LIPA: variants seen among roughly 807,000 people sequenced by gnomAD.
LIPA encodes lipase A, lysosomal acid type, also known as lysosomal acid lipase/cholesteryl ester hydrolase.
Under a neutral mutation model 40.6 loss-of-function variants are expected in LIPA, and 26 were observed. The ratio of observed to expected loss-of-function variants is 0.64; its 90% confidence interval spans 0.47 to 0.89. LIPA has a LOEUF of 0.89. Among genes scored for constraint, LIPA ranks in the 40% least tolerant of loss-of-function variants. LIPA has a pLI of 0.00. For missense variants in LIPA, 455 were observed against 479.6 expected (o/e 0.95, Z 0.48); for synonymous variants, 188 against 168.4 (o/e 1.12, Z -0.90).
intron 1 of LIPA, chr10:89,338,739 C>G (rs1357234811): frequency 1.2e-6 from 2 of 1,613,724 alleles, no homozygotes; most frequent in Admixed American, 1.7e-5. Context: ...TCAAGGAAGA[C>G]AGTGTCTCAA....
chr10:89,229,471 C>T (rs991323015), intron 3 of LIPA, among the ~76,000 whole-genome samples: 1 of 152,162 alleles, frequency 6.6e-6, no homozygotes, highest in African/African-American at 2.4e-5. Flanking sequence ...ACTGTAGTGG[C>T]CGGGTGTGGT....
chr10:89,366,724 G>A (rs185271011), intron 2 of LIPA, among the ~76,000 whole-genome samples: 8 of 152,320 alleles, frequency 5.3e-5, no homozygotes, highest in African/African-American at 1.9e-4. Context: ...TACACTGTTG[G>A]TGGGACTGTA....
At chr10:89,354,343 G>A (rs1275859321) in intron 2 of LIPA, among the ~76,000 whole-genome samples, 1 of 152,170 alleles carries the variant, frequency 6.6e-6, no homozygotes, top group African/African-American at 2.4e-5. Flanking sequence ...TTCCTAAAAT[G>A]TATAAAACCA....
At chr10:89,343,105 G>C (rs1843886687), upstream of LIPA, among the ~76,000 whole-genome samples, 1 of 152,208 alleles carries the variant, frequency 6.6e-6, no homozygotes, top group African/African-American at 2.4e-5. Flanking sequence ...AAGAGTCATG[G>C]CTGACACTCC....
chr10:89,353,964 G>A (rs1843975033), intron 2 of LIPA, among the ~76,000 whole-genome samples: 1 of 151,894 alleles, frequency 6.6e-6, no homozygotes, highest in African/African-American at 2.4e-5. Flanking sequence ...AATATAAAGT[G>A]CATTCAAGTA....
At chr10:89,318,716 A>C (rs972514163) in intron 1 of LIPA, among the ~76,000 whole-genome samples, 9 of 152,232 alleles carry the variant, frequency 5.9e-5, no homozygotes, top group African/African-American at 2.2e-4. Flanking sequence ...AGCAGACCTA[A>C]TAGACATCTA....
intron 1 of LIPA, among the ~76,000 whole-genome samples, chr10:89,299,957 A>G (rs1033118987): frequency 8.5e-5 from 13 of 152,256 alleles, no homozygotes; most frequent in Non-Finnish European, 5.9e-5. Context: ...TCAAAAGGAT[A>G]CCTGCACTCA....
chr10:89,247,515 G>T, intron 2 of LIPA, 23 bp downstream of exon 2: 2 of 1,417,738 alleles, frequency 1.4e-6, no homozygotes, highest in Non-Finnish European at 2.0e-6. Context: ...CATTTTAAAA[G>T]TACATAACTT....
chr10:89,304,378 C>T (rs1189771077), intron 1 of LIPA, among the ~76,000 whole-genome samples: 1 of 152,014 alleles, frequency 6.6e-6, no homozygotes, highest in African/African-American at 2.4e-5. Context: ...AGTGAGGTTA[C>T]AGGAAGATTC....
At chr10:89,340,195 G>C (rs1589614032) in intron 1 of LIPA, 1 of 1,490,620 alleles carries the variant, frequency 6.7e-7, no homozygotes, top group East Asian at 2.3e-5. Flanking sequence ...ACGATAGGAA[G>C]ACAGGGGGCC....
intron 2 of LIPA, among the ~76,000 whole-genome samples, chr10:89,369,164 A>G (rs560938362): frequency 6.6e-6 from 1 of 152,360 alleles, no homozygotes; most frequent in South Asian, 2.1e-4. Context: ...GAAGCATTCT[A>G]CTTGTACATT....
intron 3 of LIPA, among the ~76,000 whole-genome samples, chr10:89,232,449 G>A (rs538526682): frequency 3.5e-4 from 53 of 152,332 alleles, no homozygotes; most frequent in African/African-American, 1.3e-3. Flanking sequence ...GAGTCAGAGA[G>A]AGGCAAGAGG....
At chr10:89,381,385 AC>A in intron 2 of LIPA, among the ~76,000 whole-genome samples, 1 of 152,040 alleles carries the variant, frequency 6.6e-6, no homozygotes, top group Admixed American at 6.5e-5. Context: ...TCCTGACCCC[AC>A]CTCACCCAGC....
chr10:89,345,718 T>G (rs532732237), upstream of LIPA, among the ~76,000 whole-genome samples: 2 of 152,204 alleles, frequency 1.3e-5, no homozygotes, highest in Admixed American at 1.3e-4. Flanking sequence ...ATTTATTGAT[T>G]TAGAAGACAG....
chr10:89,254,122 C>T (rs565695888), upstream of LIPA, among the ~76,000 whole-genome samples: 1 of 152,378 alleles, frequency 6.6e-6, no homozygotes, highest in Admixed American at 6.5e-5. Context: ...TCTCTTCTCA[C>T]AGCTGCACTA....
At chr10:89,258,113 A>C (rs570983831) in intron 1 of LIPA, among the ~76,000 whole-genome samples, 1 of 152,238 alleles carries the variant, frequency 6.6e-6, no homozygotes, top group South Asian at 2.1e-4. Flanking sequence ...ATACTGAATA[A>C]GAATAAGAAT....
At chr10:89,400,277 A>G (rs1490751969) in intron 2 of LIPA, among the ~76,000 whole-genome samples, 2 of 152,176 alleles carry the variant, frequency 1.3e-5, no homozygotes, top group Non-Finnish European at 2.9e-5. Flanking sequence ...GACATTTCAT[A>G]TGAATTTTAG....
At chr10:89,280,047 C>A (rs992920337) in intron 1 of LIPA, among the ~76,000 whole-genome samples, 2 of 151,552 alleles carry the variant, frequency 1.3e-5, no homozygotes, top group Admixed American at 1.3e-4. Context: ...TTAAAATATG[C>A]CTATTAAATG....
At chr10:89,235,847 A>G (rs906556039) in intron 3 of LIPA, among the ~76,000 whole-genome samples, 1 of 152,226 alleles carries the variant, frequency 6.6e-6, no homozygotes, top group Non-Finnish European at 1.5e-5. Flanking sequence ...CTAAAGTGAG[A>G]ATGACGAAGT....
Sources: gnomAD v4.1 joint callset for allele counts (sites outside exome capture counted in the v4.1 genomes callset) on GRCh38, gnomAD v4.1.1 for gene constraint, MANE v1.5 for transcripts, NCBI Gene and HGNC (gene_info 2026-07-23, HGNC 2026-07-21) for gene names.